Variants in PTPRB observed in about 807,000 individuals in gnomAD.
PTPRB encodes the protein protein tyrosine phosphatase receptor type B.
A neutral mutation model predicts 238.1 loss-of-function variants in PTPRB; 97 were observed. The ratio of observed to expected loss-of-function variants is 0.41; its 90% CI spans 0.35 to 0.48. The LOEUF (loss-of-function observed/expected upper bound fraction) is 0.48. PTPRB is among the 20% of genes least tolerant of loss of function. The probability of loss-of-function intolerance (pLI) is 0.30; values close to 1 mark genes in which losing one functional copy is unlikely to be tolerated. For synonymous variants in PTPRB, 970 were observed against 995.4 expected (o/e 0.97, Z 0.48); for missense variants, 2,292 against 2,681.9 (o/e 0.85, Z 3.21).
chr12:70,626,307 CT>C lies in PTPRB; in HGVS notation c.452-3662del, dbSNP rs1566023195. Among the ~76,000 whole-genome samples, 39 of 113,972 alleles carry C rather than the reference CT, an allele frequency of 3.4e-4. 3 individuals carry two copies. The highest frequency in any genetic ancestry group is 1.3e-3 in the African/African-American group (38 of 28,540). 74.8% of individuals were successfully genotyped at this position (113,972 alleles called of 152,430 possible). The stretch of plus-strand genomic sequence containing the variant: ...GATGTCTATCCATCCATCTATCTAT[CT>C]ATCTATCTATCTATCTATCTATCTA... On this transcript the variant is annotated intron_variant, in intron 2 of 33. Transcript: ENST00000334414.
At chr12:70,570,947 C>T in intron 13 of PTPRB, 79 bp downstream of exon 13, 1 of 1,486,366 alleles carries the variant, frequency 6.7e-7, no homozygotes, top group African/African-American at 1.4e-5. Flanking sequence ...TCCAAATGCT[C>T]AATCGAAATA....
At chr12:70,601,915 C>T (rs771546533) in intron 4 of PTPRB, among the ~76,000 whole-genome samples, 22 of 150,922 alleles carry the variant, frequency 1.5e-4, no homozygotes, top group African/African-American at 3.2e-4. Context: ...CTCAGCCTCC[C>T]GAGTAGCTGG....
rs945289424 is a variant in PTPRB at position 70,555,308 on chromosome 12, G to T, written c.4995C>A (p.Arg1665=). ...GAATGTGTGGGGGTGGAGGAGGGGG[G>T]CCTGGAAAAAGAGGTGGGGAAGGAA... ...VEDSTITMID[R]PPPPPPHIRV... is the part of the protein sequence containing the mutation. Residue 1665 remains arginine, a splice_region_variant and synonymous_variant, in exon 20 of 34, where the codon CGC becomes CGA. Transcript: ENST00000334414. 1 of 1,609,396 alleles carries T rather than the reference G, an allele frequency of 6.2e-7. No homozygotes were observed. The highest frequency in any genetic ancestry group is 1.3e-5 in the African/African-American group (1 of 74,774).
At chr12:70,573,632 A>G (rs534045317) in intron 11 of PTPRB, among the ~76,000 whole-genome samples, 50 of 150,538 alleles carry the variant, frequency 3.3e-4, no homozygotes, top group African/African-American at 1.1e-3. Flanking sequence ...CAGCCTCCCA[A>G]GTAGCTGGGA....
At chr12:70,595,258 T>C (rs1390669826) in intron 5 of PTPRB, among the ~76,000 whole-genome samples, 1 of 151,004 alleles carries the variant, frequency 6.6e-6, no homozygotes, top group Non-Finnish European at 1.5e-5. Context: ...TGAGAACACA[T>C]GGACACAGGG....
intron 32 of PTPRB, among the ~76,000 whole-genome samples, chr12:70,530,026 G>GA (rs1312293499): frequency 3.3e-5 from 5 of 152,210 alleles, no homozygotes; most frequent in African/African-American, 4.8e-5. Flanking sequence ...TAGAATGTGG[G>GA]AAAATCTGCC....
chr12:70,567,241 T>C (rs1879418400), intron 14 of PTPRB, among the ~76,000 whole-genome samples: 1 of 152,236 alleles, frequency 6.6e-6, no homozygotes, highest in South Asian at 2.1e-4. Flanking sequence ...TTTCTCATTC[T>C]ACATAATCTT....
Position 70,519,987 on chromosome 12 carries a change from C to A in PTPRB, c.*1502G>T, listed in dbSNP as rs1373170777. On this transcript the variant is annotated 3_prime_UTR_variant, in exon 34 of 34. Coordinates refer to ENST00000334414, the MANE Select transcript of PTPRB (RefSeq NM_001109754.4). ...TTATGTCAATTACATTCGTTGTATT[C>A]ACTTACGGACTTTATGGTAGGTTAC... is the stretch of plus-strand genomic sequence containing the variant. The A allele has an allele frequency of 4.8e-6, 1 of 210,310 alleles. No homozygotes were observed. The highest frequency in any genetic ancestry group is 2.4e-5 in the African/African-American group (1 of 42,504). The allele number at this position is 210,310 out of a possible 1,614,324, so 13.0% of individuals were successfully genotyped here.
At chr12:70,630,218 C>G (rs1885386484) in intron 2 of PTPRB, among the ~76,000 whole-genome samples, 1 of 152,192 alleles carries the variant, frequency 6.6e-6, no homozygotes, top group Non-Finnish European at 1.5e-5. Flanking sequence ...AGCTTATCCA[C>G]CACAACCAAG....
intron 6 of PTPRB, among the ~76,000 whole-genome samples, chr12:70,593,154 T>C (rs920887582): frequency 6.6e-6 from 1 of 152,026 alleles, no homozygotes; most frequent in Non-Finnish European, 1.5e-5. Context: ...CAGAGGAAAA[T>C]GATTAAAAAG....
intron 8 of PTPRB, among the ~76,000 whole-genome samples, chr12:70,587,989 G>A (rs981490178): frequency 3.3e-5 from 5 of 151,186 alleles, no homozygotes; most frequent in Admixed American, 6.6e-5. Flanking sequence ...TAGTCTCAGC[G>A]GGAGGCTGAG....
chr12:70,517,473 A>ATT lies in PTPRB; in HGVS notation c.*4014_*4015dup, dbSNP rs1018923405. On this transcript the variant is annotated 3_prime_UTR_variant, in exon 34 of 34. Coordinates refer to ENST00000334414, the MANE Select transcript of PTPRB (RefSeq NM_001109754.4). ...CTTTGAATACCTGATGTAATTCTAA[A>ATT]TTTCAGGTTAAAAATAGCAGGGCAG... 3.3e-5 allele frequency: 5 copies of ATT among 152,220 alleles called. No individual in the cohort carries two copies. Among genetic ancestry groups the ATT allele is most frequent in the Admixed American group, 6.5e-5 (1 of 15,274 alleles). The allele number at this position is 152,220 out of a possible 1,614,324, so 9.4% of individuals were successfully genotyped here. A position where few individuals can be genotyped will look rare whatever the true frequency, so the allele number is the denominator to read the frequency against.
In PTPRB at chr12:70,552,945, C is replaced by T. The variant is rs374819081; in HGVS notation, c.5219G>A (p.Arg1740Gln). 1.6e-5 allele frequency: 26 copies of T among 1,613,886 alleles called. No individual in the cohort carries two copies. The African/African-American group carries it at 2.5e-4, about 16-fold the overall frequency. The change falls in exon 21 of 34, where the codon CGG becomes CAG. Residue 1740 changes from arginine to glutamine, a missense_variant. Arg to Gln is a conservative substitution (Grantham distance 43, BLOSUM62 1). This residue lies in a region of PTPRB where 683 missense variants were observed against 862.0 expected (regional missense o/e 0.79). Coordinates refer to ENST00000334414, the MANE Select transcript of PTPRB (RefSeq NM_001109754.4). ...GGCAAAATAATTAGTCTGATACACC[C>T]GAATGGAGGCATTGTGCCTGTACTC... The part of the protein sequence containing the change: ...YLEYRHNASI[R>Q]VYQTNYFASK...
rs1386755051 is a variant in PTPRB, at chr12:70,559,846, T to A, written c.4433-222A>T. Among the ~76,000 whole-genome samples, 48 of 151,282 alleles carry A rather than the reference T, an allele frequency of 3.2e-4. 1 individual carries two copies. Among genetic ancestry groups the A allele is most frequent in the Admixed American group, 1.8e-3 (28 of 15,210 alleles). On this transcript the variant is annotated intron_variant, in intron 17 of 33. Coordinates refer to ENST00000334414, the MANE Select transcript of PTPRB (RefSeq NM_001109754.4). ...TTTTTTTTTTTTTTTTTCACTTTTT[T>A]TTTTTTGAGACAGAGTTTTGCTCTT...
At chr12:70,544,068 T>A (rs577195946) in intron 22 of PTPRB, among the ~76,000 whole-genome samples, 2 of 152,346 alleles carry the variant, frequency 1.3e-5, no homozygotes, top group East Asian at 3.9e-4. Flanking sequence ...TTTATATTAA[T>A]GGTTTTTAGT....
rs1878327505 is a variant in PTPRB at position 70,560,337 on chromosome 12, T to C, written c.4432+334A>G. On this transcript the variant is annotated intron_variant, in intron 17 of 33. Coordinates refer to ENST00000334414, the MANE Select transcript of PTPRB (RefSeq NM_001109754.4). This position sits in a 1 kb window ranked among gnomAD's most constrained non-coding sequence, Gnocchi z 4.2. ...AACTCCAGGGTGGCACACAGACCTC[T>C]GTGTGTGCCCATGACATAAAAACAG... Among the ~76,000 whole-genome samples, 1 of 152,160 alleles carries C rather than the reference T, an allele frequency of 6.6e-6. No individual in the cohort carries two copies. Among genetic ancestry groups the C allele is most frequent in the Non-Finnish European group, 1.5e-5 (1 of 68,022 alleles).
chr12:70,599,752 A>G (rs1367024810), intron 4 of PTPRB, among the ~76,000 whole-genome samples: 1 of 152,192 alleles, frequency 6.6e-6, no homozygotes, highest in Admixed American at 6.5e-5. Flanking sequence ...AAGAAAAGAC[A>G]AAGTATGGCA....
intron 8 of PTPRB, among the ~76,000 whole-genome samples, chr12:70,588,748 T>G (rs1882194176): frequency 6.6e-6 from 1 of 151,798 alleles, no homozygotes; most frequent in Non-Finnish European, 1.5e-5. Flanking sequence ...AGGCCAGGAG[T>G]TTGAGACCAG....
chr12:70,576,434 T>A lies in PTPRB; in HGVS notation c.2790A>T (p.Ile930=). 6.2e-7 allele frequency: 1 copy of A among 1,609,704 alleles called. No homozygotes were observed. The highest frequency in any genetic ancestry group is 1.3e-5 in the African/African-American group (1 of 74,928). ...LTPGRLYTVT[I]TTRSGKYENH... ...TTTCATACTTGCCACTCCTTGTAGTTATGGTCACGGTGTAGAGGCGGCCTG... is the reference window on the plus strand; with the variant it reads ...TTTCATACTTGCCACTCCTTGTAGTAATGGTCACGGTGTAGAGGCGGCCTG... The change falls in exon 11 of 34, where the codon ATA becomes ATT. Residue 930 remains isoleucine, a synonymous_variant. Coordinates refer to ENST00000334414, the MANE Select transcript of PTPRB (RefSeq NM_001109754.4).
Sources: allele counts gnomAD v4.1 joint callset (sites outside exome capture counted in the v4.1 genomes callset), GRCh38; gene constraint gnomAD v4.1.1; regional missense constraint gnomAD v4.1.1; non-coding constraint Gnocchi (gnomAD v3.1); transcripts MANE v1.5; gene names NCBI Gene and HGNC (gene_info 2026-07-23, HGNC 2026-07-21).